The following SCFD1 variants were observed in gnomAD, a reference collection of about 807,000 sequenced individuals.
The protein encoded by SCFD1 is sec1 family domain-containing protein 1.
Under a neutral mutation model 103.2 loss-of-function variants are expected in SCFD1, and 37 were observed. That is an observed-to-expected ratio of 0.36 (90% CI 0.28 to 0.47). SCFD1 has a LOEUF of 0.47. SCFD1 is among the 20% of genes least tolerant of loss of function. SCFD1 has a pLI of 1.00. For missense variants in SCFD1, 639 were observed against 761.2 expected (o/e 0.84, Z 1.89); for synonymous variants, 264 against 245.0 (o/e 1.08, Z -0.73).
At chr14:30,690,569 A>T (rs898258569) in intron 14 of SCFD1, among the ~76,000 whole-genome samples, 1 of 136,478 alleles carries the variant, frequency 7.3e-6, no homozygotes, top group Non-Finnish European at 1.5e-5. Context: ...AAGTGACCCG[A>T]TTTTCCAGGT....
chr14:30,661,252 G>T (rs1027074031), intron 10 of SCFD1, among the ~76,000 whole-genome samples: 4 of 152,070 alleles, frequency 2.6e-5, no homozygotes, highest in African/African-American at 9.7e-5. Context: ...TTTAATCCTT[G>T]CTCTACTCGA....
intron 10 of SCFD1, among the ~76,000 whole-genome samples, chr14:30,667,343 C>G (rs530450454): frequency 6.6e-6 from 1 of 152,266 alleles, no homozygotes; most frequent in South Asian, 2.1e-4. Flanking sequence ...AGGCCTTCGA[C>G]AAAATTCAAC....
intron 17 of SCFD1, among the ~76,000 whole-genome samples, chr14:30,703,521 T>C (rs989029040): frequency 6.6e-6 from 1 of 151,436 alleles, no homozygotes; most frequent in Non-Finnish European, 1.5e-5. Flanking sequence ...TTTTCTTTAT[T>C]TTTCAAATTT....
chr14:30,644,473 A>G (rs1033920351), intron 7 of SCFD1, among the ~76,000 whole-genome samples: 4 of 152,208 alleles, frequency 2.6e-5, no homozygotes, highest in African/African-American at 4.8e-5. Context: ...CCAACAGCGT[A>G]TAAGTGTTCC....
chr14:30,629,886 A>ATTTTTTTTAATGAGTATC (rs1883923729), intron 2 of SCFD1, among the ~76,000 whole-genome samples: 1 of 151,784 alleles, frequency 6.6e-6, no homozygotes, highest in East Asian at 1.9e-4. Flanking sequence ...CAGGGACTTA[A>ATTTTTTTTAATGAGTATC]TTTTTTTTAA....
chr14:30,653,139 A>G (rs1886560480), intron 9 of SCFD1, among the ~76,000 whole-genome samples: 2 of 152,252 alleles, frequency 1.3e-5, no homozygotes, highest in South Asian at 4.1e-4. Flanking sequence ...CTCTATAAAA[A>G]TGTTTAAAAA....
intron 15 of SCFD1, among the ~76,000 whole-genome samples, chr14:30,698,332 T>C (rs917171252): frequency 6.6e-6 from 1 of 152,224 alleles, no homozygotes; most frequent in Non-Finnish European, 1.5e-5. Context: ...GTTATGTCAT[T>C]ATAACCATCA....
intron 14 of SCFD1, among the ~76,000 whole-genome samples, chr14:30,694,348 T>G (rs879513589): frequency 1.2e-4 from 18 of 152,206 alleles, no homozygotes; most frequent in Non-Finnish European, 2.6e-4. Context: ...ATATTAAATA[T>G]ATATTCAAAA....
At chr14:30,669,172 G>A (rs12894695) in intron 10 of SCFD1, among the ~76,000 whole-genome samples, 12,318 of 152,128 alleles carry the variant, frequency 0.081, 630 homozygotes, top group Middle Eastern at 0.15. Context: ...TAAGGACCTA[G>A]AGTCAGTATT....
chr14:30,714,919 G>T (rs931355984), intron 19 of SCFD1, among the ~76,000 whole-genome samples: 1 of 152,174 alleles, frequency 6.6e-6, no homozygotes, highest in Non-Finnish European at 1.5e-5. Context: ...TTTGACTTAT[G>T]TTCAAAATAA....
At chr14:30,690,863 T>G (rs1890245175) in intron 14 of SCFD1, among the ~76,000 whole-genome samples, 1 of 152,278 alleles carries the variant, frequency 6.6e-6, no homozygotes, top group Admixed American at 6.5e-5. Context: ...TTATTGAAGC[T>G]ACTGAAGAAT....
intron 15 of SCFD1, among the ~76,000 whole-genome samples, chr14:30,696,182 A>G (rs1375299429): frequency 6.6e-6 from 1 of 152,234 alleles, no homozygotes; most frequent in Non-Finnish European, 1.5e-5. Flanking sequence ...AATAATTTAA[A>G]AGTCCAAACT....
intron 18 of SCFD1, among the ~76,000 whole-genome samples, chr14:30,707,234 C>T (rs1366783981): frequency 6.6e-6 from 1 of 152,198 alleles, no homozygotes; most frequent in Non-Finnish European, 1.5e-5. Context: ...GATCTGAAAG[C>T]TGTCCCTAGC....
intron 14 of SCFD1, among the ~76,000 whole-genome samples, chr14:30,682,272 A>G (rs1889548446): frequency 6.6e-6 from 1 of 152,226 alleles, no homozygotes; most frequent in Non-Finnish European, 1.5e-5. Context: ...TGTACAGAAG[A>G]GAGGTAGAAG....
chr14:30,627,764 A>G (rs10131015), intron 1 of SCFD1, among the ~76,000 whole-genome samples: 44,508 of 133,948 alleles, frequency 0.33, 8,125 homozygotes, highest in East Asian at 0.6. Context: ...AAAAAAAAAA[A>G]AAAGAAAGAC....
intron 1 of SCFD1, among the ~76,000 whole-genome samples, chr14:30,625,558 T>C (rs746998675): frequency 5.3e-5 from 8 of 151,920 alleles, no homozygotes; most frequent in Non-Finnish European, 1.0e-4. Flanking sequence ...TCTTGTAAAC[T>C]CTGAACACAG....
intron 7 of SCFD1, chr14:30,644,057 T>C (rs1885562270): frequency 2.2e-6 from 1 of 447,248 alleles, no homozygotes; most frequent in Non-Finnish European, 4.5e-6. Flanking sequence ...TTTGTGTCTT[T>C]TCTTTTTGTT....
intron 11 of SCFD1, among the ~76,000 whole-genome samples, chr14:30,672,909 T>A (rs1888689678): frequency 6.6e-6 from 1 of 152,320 alleles, no homozygotes; most frequent in South Asian, 2.1e-4. Flanking sequence ...ATATTTGATA[T>A]AACATGACTT....
At chr14:30,643,468 T>A in intron 7 of SCFD1, 63 bp downstream of exon 7, 1 of 1,102,916 alleles carries the variant, frequency 9.1e-7, no homozygotes, top group Non-Finnish European at 1.4e-6. Flanking sequence ...AATTTTAATG[T>A]ATTACACTGT....
Sources: gnomAD v4.1 joint callset for allele counts (sites outside exome capture counted in the v4.1 genomes callset) on GRCh38, gnomAD v4.1.1 for gene constraint, MANE v1.5 for transcripts, NCBI Gene and HGNC (gene_info 2026-07-23, HGNC 2026-07-21) for gene names.